The following ZBTB37 variants were observed in gnomAD, a reference collection of about 807,000 sequenced individuals.
The protein encoded by ZBTB37 is zinc finger and BTB domain-containing protein 37.
ZBTB37 carries 15 observed loss-of-function variants against 37.7 expected under a neutral mutation model. The observed-to-expected ratio is 0.40, with a 90% CI of 0.27 to 0.61. ZBTB37 has a LOEUF of 0.61. ZBTB37 is among the 20% of genes least tolerant of loss of function. The pLI is 0.44. For missense variants in ZBTB37, 514 were observed against 641.9 expected (o/e 0.80, Z 2.15); for synonymous variants, 231 against 220.6 (o/e 1.05, Z -0.42).
exon 4 of ZBTB37, chr1:173,896,230 T>TA (rs1657041521): frequency 6.6e-6 from 1 of 151,042 alleles, no homozygotes; most frequent in African/African-American, 2.4e-5. Context: ...GGGCAAATTA[T>TA]TTTTTTTTCC....
intron 4 of ZBTB37, among the ~76,000 whole-genome samples, chr1:173,882,757 A>G (rs558445280): frequency 1.9e-4 from 29 of 152,254 alleles, no homozygotes; most frequent in Admixed American, 5.9e-4. Context: ...ATTTTTGTAT[A>G]AGGTGTAAGG....
chr1:173,873,997 T>C, intron 4 of ZBTB37, among the ~76,000 whole-genome samples: 1 of 152,178 alleles, frequency 6.6e-6, no homozygotes. Context: ...GGCTCGCGCC[T>C]GTAATCCCAG....
In ZBTB37 at chr1:173,875,163, C is replaced by T. The variant is rs548379253; in HGVS notation, c.1023+1597C>T. On this transcript the variant is annotated intron_variant, in intron 4 of 4. Coordinates refer to ENST00000427304, the Ensembl canonical transcript of ZBTB37. ...GTGTGTGTGTGTGTGTGTGTGTGCA[C>T]GTGTGTACTGTATATACTATATGTA... Among the ~76,000 whole-genome samples, 124 of 132,588 alleles carry T rather than the reference C, an allele frequency of 9.4e-4. 1 individual carries two copies. The highest frequency in any genetic ancestry group is 3.2e-3 in the African/African-American group (109 of 34,562). 87.0% of individuals were successfully genotyped at this position (132,588 alleles called of 152,430 possible).
chr1:173,868,589 G>A (rs1240556424), intron 1 of ZBTB37, among the ~76,000 whole-genome samples, 184 bp downstream of exon 1: 5 of 152,156 alleles, frequency 3.3e-5, no homozygotes, highest in Admixed American at 3.3e-4. Context: ...TGATCTGCCG[G>A]ACCCGCCCCC....
At chr1:173,888,631 A>ATT (rs1656723558), downstream of ZBTB37, 1 of 151,642 alleles carries the variant, frequency 6.6e-6, no homozygotes, top group South Asian at 2.1e-4. Flanking sequence ...TCTCTACAAA[A>ATT]TTTGCCTAGG....
At chr1:173,892,103 A>C (rs1325134254) in exon 4 of ZBTB37, 1 of 152,230 alleles carries the variant, frequency 6.6e-6, no homozygotes, top group Admixed American at 6.5e-5. Flanking sequence ...TAGAGCAGTT[A>C]TACCTATAGT....
At chr1:173,886,245 A>G in exon 5 of ZBTB37, 1 of 1,423,580 alleles carries the variant, frequency 7.0e-7, no homozygotes, top group Non-Finnish European at 9.3e-7. Context: ...AGATGCTCCC[A>G]AGATGTTGCC....
intron 3 of ZBTB37, among the ~76,000 whole-genome samples, chr1:173,872,987 A>G (rs1340010685): frequency 1.3e-5 from 2 of 151,854 alleles, no homozygotes; most frequent in Non-Finnish European, 2.9e-5. Context: ...AGCCTGGGCA[A>G]CAGAGCAAGA....
At chr1:173,903,218 C>G (rs1382802697) in exon 4 of ZBTB37, 1 of 152,506 alleles carries the variant, frequency 6.6e-6, no homozygotes, top group Non-Finnish European at 1.5e-5. Context: ...TTGCATGTCT[C>G]CTAGAGCCCC....
intron 3 of ZBTB37, among the ~76,000 whole-genome samples, chr1:173,872,753 A>AGC (rs1655660288): frequency 6.6e-6 from 1 of 152,176 alleles, no homozygotes; most frequent in Non-Finnish European, 1.5e-5. Flanking sequence ...CACACCTGTG[A>AGC]TCCCAGCACT....
chr1:173,875,406 A>G (rs12090507), intron 4 of ZBTB37, among the ~76,000 whole-genome samples: 8,932 of 147,034 alleles, frequency 0.061, 874 homozygotes, highest in African/African-American at 0.21. Context: ...GCTCGCTGCA[A>G]TCTCTGCCTC....
At chr1:173,896,245 C>T (rs1227346150) in exon 4 of ZBTB37, 1 of 151,942 alleles carries the variant, frequency 6.6e-6, no homozygotes, top group East Asian at 1.9e-4. Flanking sequence ...TTTTCCAGTT[C>T]ATTCTTAACA....
exon 4 of ZBTB37, chr1:173,892,462 C>A (rs1301032449): frequency 6.6e-6 from 1 of 152,028 alleles, no homozygotes; most frequent in African/African-American, 2.4e-5. Flanking sequence ...TCAGGATAAG[C>A]CAGAGTTAGA....
At chr1:173,872,178 T>C (rs905949265) in intron 3 of ZBTB37, among the ~76,000 whole-genome samples, 3 of 151,782 alleles carry the variant, frequency 2.0e-5, no homozygotes, top group Non-Finnish European at 4.4e-5. Flanking sequence ...ACACCATTCT[T>C]CTGCCTCAGC....
intron 4 of ZBTB37, among the ~76,000 whole-genome samples, chr1:173,884,220 C>T (rs1656495921): frequency 6.7e-6 from 1 of 150,008 alleles, no homozygotes; most frequent in Admixed American, 6.7e-5. Flanking sequence ...GGCCTGATGA[C>T]AGCTTATTGC....
In ZBTB37 at chr1:173,872,132, G is replaced by A. The variant is rs542371075; in HGVS notation, c.923+984G>A. On this transcript the variant is annotated intron_variant, in intron 3 of 4. Transcript: ENST00000427304. ...CGTCCAGGCTGGAGTGCAGTGGTGC[G>A]ATCTCGGCTCACTGCAAGCTCTGCC... Among the ~76,000 whole-genome samples, 4 of 151,856 alleles carry A rather than the reference G, an allele frequency of 2.6e-5. No individual in the cohort carries two copies. In the South Asian group the frequency reaches 6.3e-4, roughly 24 times the overall value.
intron 3 of ZBTB37, among the ~76,000 whole-genome samples, chr1:173,873,182 G>A (rs1054755199): frequency 6.6e-6 from 1 of 151,924 alleles, no homozygotes; most frequent in African/African-American, 2.4e-5. Flanking sequence ...ATTCTTTTAT[G>A]GTCTCCCAGT....
At chr1:173,872,646 C>T (rs1476856795) in intron 3 of ZBTB37, among the ~76,000 whole-genome samples, 3 of 152,044 alleles carry the variant, frequency 2.0e-5, no homozygotes, top group African/African-American at 7.3e-5. Context: ...AAAGAACTTA[C>T]TTATGTAACC....
chr1:173,888,135 C>T (rs1459035453), downstream of ZBTB37: 2 of 152,172 alleles, frequency 1.3e-5, no homozygotes, highest in East Asian at 3.8e-4. Context: ...GCATCCTCCG[C>T]TTTAGTTAGA....
Sources: allele counts gnomAD v4.1 joint callset (sites outside exome capture counted in the v4.1 genomes callset), GRCh38; gene constraint gnomAD v4.1.1; transcripts MANE v1.5; gene names NCBI Gene and HGNC (gene_info 2026-07-23, HGNC 2026-07-21).